The following DDX4 variants were observed in gnomAD, a reference collection of about 807,000 sequenced individuals.
DDX4 encodes DEAD-box helicase 4.
A neutral mutation model predicts 100.0 loss-of-function variants in DDX4; 25 were observed. That is an observed-to-expected ratio of 0.25 (90% CI 0.18 to 0.35). DDX4 has a LOEUF of 0.35. DDX4 is among the 10% of genes least tolerant of loss of function. The pLI, the probability that DDX4 is intolerant of heterozygous loss-of-function variation, is 1.00. For missense variants in DDX4, 635 were observed against 882.4 expected (o/e 0.72, Z 3.55); for synonymous variants, 259 against 275.7 (o/e 0.94, Z 0.60).
intron 18 of DDX4, among the ~76,000 whole-genome samples, chr5:55,810,449 C>T (rs1054130355): frequency 1.3e-5 from 2 of 152,052 alleles, no homozygotes; most frequent in Non-Finnish European, 2.9e-5. Context: ...ATTTGCAGTA[C>T]GTTTATCACT....
At chr5:55,783,566 C>G (rs1232681913) in intron 10 of DDX4, among the ~76,000 whole-genome samples, 1 of 151,952 alleles carries the variant, frequency 6.6e-6, no homozygotes, top group Non-Finnish European at 1.5e-5. Context: ...ACTTAAAAGG[C>G]TGTTCCTTGG....
chr5:55,740,726 G>T (rs1291702385), intron 2 of DDX4, among the ~76,000 whole-genome samples: 3 of 148,122 alleles, frequency 2.0e-5, no homozygotes. Flanking sequence ...CACTATGTTG[G>T]CCAGGCTGGT....
chr5:55,812,289 C>T (rs1028061186), intron 18 of DDX4, among the ~76,000 whole-genome samples: 3 of 152,108 alleles, frequency 2.0e-5, no homozygotes, highest in South Asian at 2.1e-4. Context: ...GGGCCGGGCG[C>T]GGTGGTTCAC....
intron 3 of DDX4, among the ~76,000 whole-genome samples, chr5:55,752,005 A>G (rs1759583553): frequency 6.6e-6 from 1 of 152,156 alleles, no homozygotes; most frequent in Non-Finnish European, 1.5e-5. Context: ...TGCAGTATGA[A>G]TATACCTAAA....
intron 3 of DDX4, among the ~76,000 whole-genome samples, chr5:55,749,395 G>A (rs1489917313): frequency 1.3e-5 from 2 of 152,148 alleles, no homozygotes; most frequent in Admixed American, 6.5e-5. Flanking sequence ...TCACACTACT[G>A]CACTCCAGCA....
chr5:55,774,812 C>A (rs1233533788), intron 7 of DDX4, among the ~76,000 whole-genome samples: 1 of 152,110 alleles, frequency 6.6e-6, no homozygotes. Context: ...GTTTACCCTC[C>A]TTGGAGTTGA....
At chr5:55,796,118 CAA>C (rs1408967509) in intron 17 of DDX4, among the ~76,000 whole-genome samples, 1 of 152,160 alleles carries the variant, frequency 6.6e-6, no homozygotes, top group Non-Finnish European at 1.5e-5. Context: ...AGTCAGCAGG[CAA>C]AGTTATCCCA....
At chr5:55,770,736 C>T (rs1175382042) in intron 7 of DDX4, among the ~76,000 whole-genome samples, 1 of 152,050 alleles carries the variant, frequency 6.6e-6, no homozygotes, top group African/African-American at 2.4e-5. Flanking sequence ...TCCTTAATTA[C>T]TTCTTATGAT....
intron 2 of DDX4, 52 bp from the exon 3 acceptor site, chr5:55,746,112 C>G: frequency 7.4e-7 from 1 of 1,350,686 alleles, no homozygotes; most frequent in Non-Finnish European, 1.0e-6. Flanking sequence ...AAATAAATGA[C>G]ACGTTCATAT....
At chr5:55,781,029 A>G (rs1243090181) in intron 8 of DDX4, 37 bp from the exon 9 acceptor site, 4 of 1,566,930 alleles carry the variant, frequency 2.6e-6, no homozygotes, top group East Asian at 2.3e-5. Context: ...AACTTCTTCA[A>G]AGTAATGTAA....
chr5:55,759,896 T>C (rs1182930720), intron 3 of DDX4, among the ~76,000 whole-genome samples: 2 of 152,134 alleles, frequency 1.3e-5, no homozygotes, highest in Non-Finnish European at 2.9e-5. Context: ...TTTTTAAAAA[T>C]TTATTTATTT....
chr5:55,780,790 G>T (rs550925102), intron 8 of DDX4, among the ~76,000 whole-genome samples: 2 of 152,194 alleles, frequency 1.3e-5, no homozygotes, highest in African/African-American at 4.8e-5. Flanking sequence ...TTTATTTAAC[G>T]AAATATTTTA....
chr5:55,785,691 T>C, intron 12 of DDX4, 38 bp from the exon 13 acceptor site: 1 of 1,565,512 alleles, frequency 6.4e-7, no homozygotes, highest in Non-Finnish European at 8.7e-7. Context: ...TCTTGTAGTC[T>C]CTGTAACGTA....
At chr5:55,775,423 G>A (rs4865988) in intron 7 of DDX4, among the ~76,000 whole-genome samples, 15,075 of 152,124 alleles carry the variant, frequency 0.099, 1,209 homozygotes, top group East Asian at 0.27. Flanking sequence ...GAAATTTGCT[G>A]TTTAAAAGAA....
intron 10 of DDX4, 38 bp from the exon 11 acceptor site, chr5:55,785,259 C>T: frequency 6.9e-7 from 1 of 1,440,226 alleles, no homozygotes; most frequent in Non-Finnish European, 9.7e-7. Flanking sequence ...CACAGCCTTA[C>T]ATCTTGACCG....
intron 10 of DDX4, among the ~76,000 whole-genome samples, chr5:55,784,958 G>A (rs188595769): frequency 6.6e-6 from 1 of 152,286 alleles, no homozygotes; most frequent in East Asian, 1.9e-4. Context: ...TATATTCTGA[G>A]TCTGGTGAGT....
intron 15 of DDX4, among the ~76,000 whole-genome samples, chr5:55,789,140 G>A (rs538347737): frequency 4.6e-5 from 7 of 152,252 alleles, no homozygotes; most frequent in African/African-American, 1.7e-4. Context: ...TAAAGAGCAG[G>A]AACTTATTTT....
At chr5:55,772,048 G>A (rs1312333048) in intron 7 of DDX4, among the ~76,000 whole-genome samples, 1 of 152,058 alleles carries the variant, frequency 6.6e-6, no homozygotes, top group African/African-American at 2.4e-5. Context: ...GTGAAACCCC[G>A]TCTGTACTAA....
rs1380704401 is a variant in DDX4 at position 55,786,548 on chromosome 5, C to G, written c.895C>G (p.Leu299Val). 1 of 1,613,038 alleles carries G rather than the reference C, an allele frequency of 6.2e-7. No homozygotes were observed. Among genetic ancestry groups the G allele is most frequent in the South Asian group, 1.1e-5 (1 of 91,026 alleles). Residue 299 changes from leucine (L) to valine (V), a missense_variant, in exon 14 of 22, where the codon CTG becomes GTG. Transcript: ENST00000505374. ...TGAAGAAGCTAATCTCTGTCAGACA[C>G]TGAATAACAACATTGCTAAAGCTGG... ...TFEEANLCQT[L>V]NNNIAKAGYT...
Sources: allele counts gnomAD v4.1 joint callset (sites outside exome capture counted in the v4.1 genomes callset), GRCh38; gene constraint gnomAD v4.1.1; transcripts MANE v1.5; gene names NCBI Gene and HGNC (gene_info 2026-07-23, HGNC 2026-07-21).